CDON: variants seen among roughly 807,000 people sequenced by gnomAD.
CDON encodes cell adhesion molecule-related/down-regulated by oncogenes.
Under a neutral mutation model 120.9 loss-of-function variants are expected in CDON, and 73 were observed. The observed-to-expected ratio is 0.60, with a 90% CI of 0.50 to 0.73. CDON has a LOEUF of 0.73. Ranked by LOEUF, CDON falls within the 30% of genes least tolerant of loss-of-function variation. The pLI is 0.00. For missense variants in CDON, 1,470 were observed against 1,587.3 expected, an observed-to-expected ratio of 0.93 and a Z score of 1.26; for synonymous variants, 566 against 573.5, an observed-to-expected ratio of 0.99 and a Z score of 0.19.
At chr11:126,005,170 T>C (rs373284550) in intron 9 of CDON, among the ~76,000 whole-genome samples, 107 of 152,066 alleles carry the variant, frequency 7.0e-4, no homozygotes, top group South Asian at 2.1e-3. Context: ...GGTGTGGTAG[T>C]GCATGCCTGC....
At chr11:126,019,524 T>C in intron 4 of CDON, 95 bp downstream of exon 4, 1 of 1,336,290 alleles carries the variant, frequency 7.5e-7, no homozygotes. Flanking sequence ...CCTTCTTGTA[T>C]CCACAGTTCG....
chr11:125,991,123 G>T (rs1015130792), intron 14 of CDON, among the ~76,000 whole-genome samples: 2 of 152,052 alleles, frequency 1.3e-5, no homozygotes, highest in African/African-American at 4.8e-5. Context: ...CATAAAAATG[G>T]CATTAAACTA....
chr11:126,016,979 T>C (rs544272655), intron 6 of CDON, 109 bp downstream of exon 6: 9 of 878,842 alleles, frequency 1.0e-5, no homozygotes, highest in Admixed American at 2.3e-5. Context: ...AGGGTATAGA[T>C]AGTTCTAGAT....
At chr11:126,018,838 G>A (rs1295254186) in intron 4 of CDON, among the ~76,000 whole-genome samples, 3 of 152,182 alleles carry the variant, frequency 2.0e-5, no homozygotes, top group East Asian at 3.9e-4. Context: ...CCAAAGTGCT[G>A]GGATTATAGG....
At chr11:125,976,604 CACACACACACACAA>C (rs1411243683) in intron 18 of CDON, among the ~76,000 whole-genome samples, 4 of 90,328 alleles carry the variant, frequency 4.4e-5, no homozygotes, top group African/African-American at 9.7e-5. Context: ...CACACACATG[CACACACACACACAA>C]ACACACACAC....
chr11:126,023,421 A>G lies in CDON; in HGVS notation c.56T>C (p.Leu19Pro). ...CTTACCTGAACTCACAGAAGAGCAC[A>G]GAATTGTAAGAGTAACATACAGCAG... ...CTLLYVTLTI[L>P]CSSVSSDLAP... The change falls in exon 2 of 20, where the codon CTG becomes CCG. Residue 19 changes from leucine (L) to proline (P), a missense_variant. Transcript: ENST00000531738. 1 of 1,612,156 alleles carries G rather than the reference A, an allele frequency of 6.2e-7. No individual in the cohort carries two copies. The highest frequency in any genetic ancestry group is 1.1e-5 in the South Asian group (1 of 91,040).
intron 1 of CDON, among the ~76,000 whole-genome samples, chr11:126,025,573 C>T (rs1947771999): frequency 6.6e-6 from 1 of 151,914 alleles, no homozygotes; most frequent in African/African-American, 2.4e-5. Flanking sequence ...GACAGTATAG[C>T]ACATTTGGTA....
rs1948837307 is a variant in CDON at position 126,062,783 on chromosome 11, G to C, written c.-266C>G. On this transcript the variant is annotated 5_prime_UTR_variant, in exon 1 of 20. Coordinates refer to ENST00000531738, the MANE Select transcript of CDON (RefSeq NM_001378964.1). ...GGCTGGGGCGCTGGGCAGGGCGGGC[G>C]GGCGTGGGGTCCCGGGTCTCCTCGC... The C allele has an allele frequency of 6.6e-6, 1 of 151,888 alleles. No homozygotes were observed. The highest frequency in any genetic ancestry group is 2.4e-5 in the African/African-American group (1 of 41,326). 9.4% of individuals were successfully genotyped at this position (151,888 alleles called of 1,614,324 possible). A position where few individuals can be genotyped will look rare whatever the true frequency, so the allele number is the denominator to read the frequency against.
chr11:126,015,563 A>G (rs780892638), intron 6 of CDON, 53 bp from the exon 7 acceptor site: 3 of 1,570,732 alleles, frequency 1.9e-6, no homozygotes, highest in Non-Finnish European at 2.6e-6. Context: ...TACTTCTTAA[A>G]TTATCACTCG....
chr11:126,018,554 C>T (rs1187014969), intron 4 of CDON, 81 bp from the exon 5 acceptor site: 2 of 1,183,804 alleles, frequency 1.7e-6, no homozygotes, highest in Admixed American at 1.7e-5. Context: ...AAAGGCTGAT[C>T]ATTATGCTCT....
Position 125,981,377 on chromosome 11 carries a change from C to A in CDON, c.2996-48G>T, listed in dbSNP as rs3824922. ...ACACACACGCACACACACACACGCACGCACACATGCACATACGCACACACG... is the reference window on the plus strand; with the variant it reads ...ACACACACGCACACACACACACGCAAGCACACATGCACATACGCACACACG... On this transcript the variant is annotated intron_variant, in intron 16 of 19. Coordinates refer to ENST00000531738, the MANE Select transcript of CDON (RefSeq NM_001378964.1). The A allele has an allele frequency of 0.05, 78,110 of 1,570,440 alleles. 2,675 individuals carry two copies. Among genetic ancestry groups the A allele is most frequent in the Admixed American group, 0.14 (8,077 of 59,322 alleles).
intron 8 of CDON, among the ~76,000 whole-genome samples, chr11:126,007,452 G>A (rs1947159295): frequency 1.3e-5 from 2 of 152,180 alleles, no homozygotes; most frequent in African/African-American, 4.8e-5. Context: ...GAGTCAGACT[G>A]CGGACTGATG....
chr11:126,029,514 A>G (rs1413570298), intron 1 of CDON, among the ~76,000 whole-genome samples: 2 of 151,978 alleles, frequency 1.3e-5, no homozygotes, highest in African/African-American at 2.4e-5. Flanking sequence ...TCATTTCAAA[A>G]CCGTATTCTC....
At chr11:126,040,535 G>T (rs935436125) in intron 1 of CDON, among the ~76,000 whole-genome samples, 1 of 152,144 alleles carries the variant, frequency 6.6e-6, no homozygotes, top group Admixed American at 6.6e-5. Flanking sequence ...GGTACTAAAG[G>T]CCGGGCGCGG....
chr11:126,020,715 C>T (rs1947609070), intron 3 of CDON, among the ~76,000 whole-genome samples: 4 of 152,148 alleles, frequency 2.6e-5, no homozygotes, highest in Admixed American at 2.0e-4. Flanking sequence ...CCAGATTTTC[C>T]GTAAGTTCAA....
chr11:125,971,954 G>T (rs1016543068), intron 18 of CDON, among the ~76,000 whole-genome samples: 1 of 152,204 alleles, frequency 6.6e-6, no homozygotes, highest in Admixed American at 6.5e-5. Context: ...GAGAAGAGAA[G>T]AGAAGGGTAG....
At chr11:126,030,868 A>T in intron 1 of CDON, among the ~76,000 whole-genome samples, 1 of 152,232 alleles carries the variant, frequency 6.6e-6, no homozygotes, top group East Asian at 1.9e-4. Context: ...TATTTAATTT[A>T]ACTAAGAAGT....
At position 126,024,583 on chromosome 11, in the gene CDON, G is replaced by C. The variant is rs931883182; in HGVS notation, c.-61-1046C>G. Among the ~76,000 whole-genome samples the C allele has an allele frequency of 6.1e-5, 8 of 130,552 alleles. 1 individual carries two copies. In the South Asian group the frequency reaches 1.8e-3, roughly 30 times the overall value. The allele number at this position is 130,552 out of a possible 152,430, so 85.6% of individuals were successfully genotyped here. A position where few individuals can be genotyped will look rare whatever the true frequency, so the allele number is the denominator to read the frequency against. ...GGAAGACTAGAGGAGAGACAGAAGA[G>C]AGGGTTCATCACTGGTTCTGTTTTG... On this transcript the variant is annotated intron_variant, in intron 1 of 19. Transcript: ENST00000531738.
rs571859031 is a variant in CDON at position 126,015,439 on chromosome 11, C to T, written c.1000G>A (p.Asp334Asn). ...TTGGGGGCTGGGTTCCCATGAACGT[C>T]GCAGGTAAAGTGTACTGTGGCACCC... ...SLGATVHFTC[D>N]VHGNPAPNCT... Residue 334 changes from aspartate (D) to asparagine (N), a missense_variant, in exon 7 of 20, where the codon GAC becomes AAC. Transcript: ENST00000531738. 21 of 1,614,054 alleles carry T rather than the reference C, an allele frequency of 1.3e-5. No individual in the cohort carries two copies. The highest frequency in any genetic ancestry group is 3.3e-5 in the South Asian group (3 of 91,082).
Sources: gnomAD v4.1 joint callset for allele counts (sites outside exome capture counted in the v4.1 genomes callset) on GRCh38, gnomAD v4.1.1 for gene constraint, MANE v1.5 for transcripts, NCBI Gene and HGNC (gene_info 2026-07-23, HGNC 2026-07-21) for gene names.